Variants in AGBL4 observed in about 807,000 individuals in gnomAD.
The protein encoded by AGBL4 is AGBL carboxypeptidase 4.
In AGBL4, 58 loss-of-function variants were observed where a neutral mutation model predicts 66.4. That is an observed-to-expected ratio of 0.87 (90% CI 0.71 to 1.09). The LOEUF (loss-of-function observed/expected upper bound fraction) is 1.09, where lower values mean the gene tolerates loss of function less well. Among genes scored for constraint, AGBL4 ranks in the 50% least tolerant of loss-of-function variants. The pLI is 0.00. For missense variants in AGBL4, 579 were observed against 631.0 expected (o/e 0.92, Z 0.88); for synonymous variants, 234 against 222.9 (o/e 1.05, Z -0.44).
intron 9 of AGBL4, among the ~76,000 whole-genome samples, chr1:48,627,595 A>G (rs897947210): frequency 6.6e-6 from 1 of 151,992 alleles, no homozygotes; most frequent in Non-Finnish European, 1.5e-5. Context: ...GAAAAGAAAA[A>G]AAAAAAGCCA....
rs926220718 is a variant in AGBL4, at chr1:48,669,495, G to A, written c.635-6254C>T. On this transcript the variant is annotated intron_variant, in intron 6 of 13. Transcript: ENST00000371839. ...ATGACAATGAAAAACATCTTCAGAC[G>A]TTACCAAGTGTCCCATGTCTCCTCA... is the stretch of plus-strand genomic sequence containing the variant. Among the ~76,000 whole-genome samples the A allele has an allele frequency of 4.5e-4, 68 of 152,184 alleles. 1 individual carries two copies. Among genetic ancestry groups the A allele is most frequent in the Non-Finnish European group, 2.2e-4 (15 of 68,000 alleles).
At chr1:49,957,440 T>C (rs1468367995) in intron 1 of AGBL4, among the ~76,000 whole-genome samples, 1 of 151,942 alleles carries the variant, frequency 6.6e-6, no homozygotes, top group Admixed American at 6.6e-5. Context: ...CGTTGATCTG[T>C]CTGTTGTTGA....
At chr1:48,685,010 A>T (rs1646509725) in intron 6 of AGBL4, among the ~76,000 whole-genome samples, 1 of 152,182 alleles carries the variant, frequency 6.6e-6, no homozygotes, top group South Asian at 2.1e-4. Context: ...GAGGCAGGGC[A>T]GGTGAGTAAA....
intron 3 of AGBL4, among the ~76,000 whole-genome samples, chr1:49,549,195 T>C (rs1407019422): frequency 6.6e-6 from 1 of 152,156 alleles, no homozygotes; most frequent in Non-Finnish European, 1.5e-5. Context: ...TCTTGGTTAA[T>C]CTTGCTAATG....
At chr1:49,116,575 A>G (rs1645527663) in intron 4 of AGBL4, among the ~76,000 whole-genome samples, 1 of 152,164 alleles carries the variant, frequency 6.6e-6, no homozygotes, top group Admixed American at 6.5e-5. Context: ...GCTGCATAGT[A>G]TTGCATGGTG....
chr1:49,347,221 TG>T, intron 3 of AGBL4, among the ~76,000 whole-genome samples: 1 of 151,860 alleles, frequency 6.6e-6, no homozygotes, highest in Non-Finnish European at 1.5e-5. Flanking sequence ...ACTATGTCTA[TG>T]AAGTAGCCAT....
At chr1:49,840,461 T>G (rs2148038088) in intron 2 of AGBL4, among the ~76,000 whole-genome samples, 1 of 152,278 alleles carries the variant, frequency 6.6e-6, no homozygotes, top group African/African-American at 2.4e-5. Flanking sequence ...CTAGTATCAA[T>G]CCTAGTGAAA....
intron 1 of AGBL4, among the ~76,000 whole-genome samples, chr1:49,855,064 C>G (rs1037778288): frequency 1.3e-5 from 2 of 152,148 alleles, no homozygotes; most frequent in African/African-American, 4.8e-5. Context: ...GCCTCCCCAG[C>G]CATGTGGAAC....
At chr1:48,784,614 C>A (rs1645369157) in intron 6 of AGBL4, among the ~76,000 whole-genome samples, 1 of 152,124 alleles carries the variant, frequency 6.6e-6, no homozygotes, top group South Asian at 2.1e-4. Flanking sequence ...AACTTCTATG[C>A]ATTATATAAA....
intron 3 of AGBL4, among the ~76,000 whole-genome samples, chr1:49,567,729 C>G (rs1273440407): frequency 6.6e-6 from 1 of 152,156 alleles, no homozygotes; most frequent in Non-Finnish European, 1.5e-5. Context: ...CTCCCTCATT[C>G]TATGAGGCCA....
At chr1:48,677,900 C>A (rs1557873091) in intron 6 of AGBL4, among the ~76,000 whole-genome samples, 1 of 152,180 alleles carries the variant, frequency 6.6e-6, no homozygotes, top group Non-Finnish European at 1.5e-5. Flanking sequence ...AAAGAAGGGG[C>A]AAAGCTCATT....
At position 49,248,906 on chromosome 1, in the gene AGBL4, T is replaced by C. The variant is rs764791691; in HGVS notation, c.283-3042A>G. On this transcript the variant is annotated intron_variant, in intron 3 of 13. Transcript: ENST00000371839. Reference sequence around the variant, plus strand: ...CTTGTTTCAGTAATACGGTGCTCTATATCAGAGCTCTGTAAATAGTGACCA... The same window carrying C: ...CTTGTTTCAGTAATACGGTGCTCTACATCAGAGCTCTGTAAATAGTGACCA... Among the ~76,000 whole-genome samples the C allele has an allele frequency of 3.9e-4, 59 of 152,178 alleles. 1 individual carries two copies. Among genetic ancestry groups the C allele is most frequent in the South Asian group, 1.0e-3 (5 of 4,830 alleles).
At chr1:48,870,160 C>T (rs576301119) in intron 5 of AGBL4, among the ~76,000 whole-genome samples, 87 of 152,162 alleles carry the variant, frequency 5.7e-4, no homozygotes, top group African/African-American at 2.1e-3. Flanking sequence ...TATCTCCCTT[C>T]CTCAGAACAG....
At chr1:49,009,451 A>T (rs1320058236) in intron 5 of AGBL4, among the ~76,000 whole-genome samples, 1 of 149,970 alleles carries the variant, frequency 6.7e-6, no homozygotes, top group East Asian at 2.0e-4. Flanking sequence ...CCAGAGGTAC[A>T]AGGAGGAACT....
intron 3 of AGBL4, among the ~76,000 whole-genome samples, chr1:49,603,797 T>A (rs763389828): frequency 1.3e-5 from 2 of 152,142 alleles, no homozygotes; most frequent in Non-Finnish European, 2.9e-5. Context: ...GCCGCACTTG[T>A]AAGTGAGAAC....
At chr1:49,760,211 G>T (rs893582909) in intron 2 of AGBL4, among the ~76,000 whole-genome samples, 1 of 152,054 alleles carries the variant, frequency 6.6e-6, no homozygotes, top group Admixed American at 6.6e-5. Context: ...TATCAGATGG[G>T]TAGATTGCAA....
At chr1:49,855,777 C>CAAT (rs763853186) in intron 1 of AGBL4, among the ~76,000 whole-genome samples, 27 of 151,962 alleles carry the variant, frequency 1.8e-4, no homozygotes, top group Admixed American at 2.0e-4. Flanking sequence ...TATTTCACAA[C>CAAT]AATAAATTAC....
rs529159622 is a variant in AGBL4 at position 49,141,577 on chromosome 1, TATATAAGAAAACTGAAGAGGCTAG to T, written c.378-95801_378-95778del. ...TCTGACATAAGACATAAGGATAGAA[TATATAAGAAAACTGAAGAGGCTAG>T]ATATAAGAAAACTGAAGAGGCTAGT... is the stretch of plus-strand genomic sequence containing the variant. On this transcript the variant is annotated intron_variant, in intron 4 of 13. Transcript: ENST00000371839. 1.1e-3 allele frequency among the ~76,000 whole-genome samples: 160 copies of T among 152,116 alleles called. 1 individual carries two copies. The East Asian group carries it at 0.017, about 17-fold the overall frequency.
chr1:49,313,122 G>A (rs1557830677), intron 3 of AGBL4, among the ~76,000 whole-genome samples: 2 of 152,024 alleles, frequency 1.3e-5, no homozygotes, highest in South Asian at 2.1e-4. Context: ...AGAACATGCG[G>A]TGTTTGGTTT....
Sources: gnomAD v4.1 joint callset for allele counts (sites outside exome capture counted in the v4.1 genomes callset) on GRCh38, gnomAD v4.1.1 for gene constraint, MANE v1.5 for transcripts, NCBI Gene and HGNC (gene_info 2026-07-23, HGNC 2026-07-21) for gene names.